IFT172: variants seen among roughly 807,000 people sequenced by gnomAD.
The protein encoded by IFT172 is intraflagellar transport 172, also known as intraflagellar transport protein 172 homolog.
Under a neutral mutation model 248.9 loss-of-function variants are expected in IFT172, and 164 were observed. The observed-to-expected ratio is 0.66, with a 90% CI of 0.58 to 0.75. The LOEUF is 0.75. IFT172 is among the 30% of genes least tolerant of loss of function. IFT172 has a pLI of 0.00. For missense variants in IFT172, 1,950 were observed against 2,192.4 expected, an observed-to-expected ratio of 0.89 and a Z score of 2.21; for synonymous variants, 729 against 791.6, an observed-to-expected ratio of 0.92 and a Z score of 1.33.
At chr2:27,472,808 G>C (rs1667671464) in intron 14 of IFT172, among the ~76,000 whole-genome samples, 1 of 152,182 alleles carries the variant, frequency 6.6e-6, no homozygotes, top group Non-Finnish European at 1.5e-5. Flanking sequence ...AAGTTAGGCT[G>C]GTCACTGCAG....
intron 14 of IFT172, 100 bp from the exon 15 acceptor site, chr2:27,472,462 C>G: frequency 1.1e-6 from 1 of 878,690 alleles, no homozygotes; most frequent in Non-Finnish European, 1.8e-6. Context: ...GAAGCTAGGT[C>G]TCTTTTAGAA....
Position 27,465,485 on chromosome 2 carries a change from G to A in IFT172, c.1863C>T (p.Thr621=). ...ATAFLETLEM[T]PETEAMWKTL... ...TTTTCCACATTGCCTCTGTTTCTGG[G>A]GTCATTTCCAGAGTCTCTAAGAAGG... Residue 621 remains threonine, a synonymous_variant, in exon 18 of 48, where the codon ACC becomes ACT. Coordinates refer to ENST00000260570, the MANE Select transcript of IFT172 (RefSeq NM_015662.3). 6.2e-7 allele frequency: 1 copy of A among 1,614,082 alleles called. No individual in the cohort carries two copies. The highest frequency in any genetic ancestry group is 1.1e-5 in the South Asian group (1 of 91,068).
At chr2:27,482,004 G>A (rs1236913224) in intron 7 of IFT172, among the ~76,000 whole-genome samples, 1 of 146,254 alleles carries the variant, frequency 6.8e-6, no homozygotes, top group East Asian at 2.0e-4. Context: ...TTTTTTTTTA[G>A]ATGGAGTCTC....
chr2:27,461,587 A>T, intron 21 of IFT172, 70 bp from the exon 22 acceptor site: 1 of 1,569,870 alleles, frequency 6.4e-7, no homozygotes, highest in East Asian at 2.2e-5. Context: ...ATGCTTCTCC[A>T]ATCCCTCTAT....
In IFT172 at chr2:27,461,481, A is replaced by G. The variant is rs200253619; in HGVS notation, c.2230T>C (p.Tyr744His). The G allele has an allele frequency of 1.9e-6, 3 of 1,614,118 alleles. No individual in the cohort carries two copies. Among genetic ancestry groups the G allele is most frequent in the East Asian group, 4.5e-5 (2 of 44,874 alleles). Residue 744 changes from tyrosine (Y) to histidine (H), a missense_variant, in exon 22 of 48, where the codon TAC (tyrosine) becomes CAC (histidine). Tyr to His is a moderately conservative substitution (Grantham distance 83). Around this residue, in one of 3 missense-constraint regions of IFT172, gnomAD observed 1,166 missense variants for 1,254.1 expected, o/e 0.93. Coordinates refer to ENST00000260570, the MANE Select transcript of IFT172 (RefSeq NM_015662.3). ...PALEKLRRSY[Y>H]QWLMDTQQEE... ...TGCTGTGTGTCCATCAGCCACTGGT[A>G]GTAACTACGACGTAGCTTCTCCAGG...
intron 16 of IFT172, among the ~76,000 whole-genome samples, chr2:27,470,416 CAAAA>C (rs1368129585): frequency 2.0e-5 from 3 of 152,184 alleles, no homozygotes; most frequent in East Asian, 1.9e-4. Flanking sequence ...TGGAAAAGGA[CAAAA>C]AGAAAGCATC....
intron 35 of IFT172, among the ~76,000 whole-genome samples, chr2:27,451,710 G>A (rs1415976235): frequency 6.6e-6 from 1 of 152,162 alleles, no homozygotes; most frequent in Non-Finnish European, 1.5e-5. Flanking sequence ...AGCTTGCAGT[G>A]AGCCGAGATT....
intron 9 of IFT172, 27 bp from the exon 10 acceptor site, chr2:27,479,631 G>C (rs879388561): frequency 1.1e-5 from 15 of 1,374,374 alleles, no homozygotes; most frequent in Non-Finnish European, 1.6e-5. Context: ...CAGCATAAAA[G>C]GTCACACACA....
At chr2:27,471,130 G>A (rs1667535675) in intron 15 of IFT172, 35 bp from the exon 16 acceptor site, 4 of 1,596,328 alleles carry the variant, frequency 2.5e-6, no homozygotes, top group Non-Finnish European at 3.4e-6. Context: ...ACAATTACAA[G>A]GGGATGTGGG....
chr2:27,459,198 C>G, intron 25 of IFT172, 180 bp downstream of exon 25: 1 of 748,108 alleles, frequency 1.3e-6, no homozygotes, highest in Non-Finnish European at 2.1e-6. Flanking sequence ...AGGGCGATAT[C>G]TGTGTCACAC....
chr2:27,460,914 C>T (rs1261920861), intron 23 of IFT172, 101 bp downstream of exon 23: 5 of 1,266,818 alleles, frequency 3.9e-6, no homozygotes, highest in Non-Finnish European at 5.7e-6. Context: ...ACGAGAAACA[C>T]CCACAGGTGT....
intron 7 of IFT172, among the ~76,000 whole-genome samples, chr2:27,482,530 C>T (rs1023168851): frequency 1.5e-4 from 23 of 152,296 alleles, no homozygotes; most frequent in African/African-American, 5.1e-4. Flanking sequence ...GGTGATCCAC[C>T]CGCCTCGGCC....
rs753341110 is a variant in IFT172, at chr2:27,483,551, C to A, written c.482+29G>T. 3.1e-6 allele frequency: 5 copies of A among 1,608,420 alleles called. No individual in the cohort carries two copies. In the East Asian group the frequency reaches 1.1e-4, roughly 36 times the overall value. Reference sequence around the variant, plus strand: ...ACAGCATTTTCCTAACACTTCCAGACTCTAGTGATACTACTCCTCTTTACT... The same window carrying A: ...ACAGCATTTTCCTAACACTTCCAGAATCTAGTGATACTACTCCTCTTTACT... On this transcript the variant is annotated intron_variant, in intron 6 of 47. Coordinates refer to ENST00000260570, the MANE Select transcript of IFT172 (RefSeq NM_015662.3).
At chr2:27,457,607 A>C in intron 29 of IFT172, 32 bp downstream of exon 29, 2 of 1,554,982 alleles carry the variant, frequency 1.3e-6, no homozygotes, top group Non-Finnish European at 1.8e-6. Flanking sequence ...AGAAGGATGG[A>C]TGTATCCCTC....
chr2:27,484,077 G>T, intron 4 of IFT172, 140 bp from the exon 5 acceptor site: 2 of 1,298,084 alleles, frequency 1.5e-6, no homozygotes, highest in Non-Finnish European at 2.2e-6. Flanking sequence ...GAAGACAGCA[G>T]ATGACCATGA....
At chr2:27,462,012 T>C (rs904848392) in intron 20 of IFT172, among the ~76,000 whole-genome samples, 176 bp from the exon 21 acceptor site, 1 of 152,160 alleles carries the variant, frequency 6.6e-6, no homozygotes, top group African/African-American at 2.4e-5. Context: ...GGCTCCTTAT[T>C]TGCACACACC....
intron 8 of IFT172, among the ~76,000 whole-genome samples, chr2:27,480,818 C>G (rs537747261): frequency 6.6e-6 from 1 of 152,236 alleles, no homozygotes; most frequent in Non-Finnish European, 1.5e-5. Context: ...GAGATGAATT[C>G]TGCTGTGGAA....
chr2:27,458,087 C>G (rs775577808), intron 27 of IFT172, 39 bp downstream of exon 27: 2 of 1,611,804 alleles, frequency 1.2e-6, no homozygotes, highest in Middle Eastern at 1.6e-4. Flanking sequence ...GCCTTGAAAT[C>G]TCATCTCCCT....
Position 27,463,211 on chromosome 2 carries a change from T to C in IFT172, c.1938-30A>G, listed in dbSNP as rs370432777. 2.5e-6 allele frequency: 4 copies of C among 1,569,960 alleles called. No homozygotes were observed. The African/African-American group carries it at 5.4e-5, about 21-fold the overall frequency. On this transcript the variant is annotated intron_variant, in intron 18 of 47. Coordinates refer to ENST00000260570, the MANE Select transcript of IFT172 (RefSeq NM_015662.3). ...GGCATGGAAGCAATAACATTAATAG[T>C]AATATTATTATAGAATCATCATTAA...
Sources: gnomAD v4.1 joint callset for allele counts (sites outside exome capture counted in the v4.1 genomes callset) on GRCh38, gnomAD v4.1.1 for gene constraint, gnomAD v4.1.1 regional missense constraint, MANE v1.5 for transcripts, NCBI Gene and HGNC (gene_info 2026-07-23, HGNC 2026-07-21) for gene names.